EYS: variants seen among roughly 807,000 people sequenced by gnomAD.
The protein encoded by EYS is protein eyes shut homolog.
Under a neutral mutation model 282.1 loss-of-function variants are expected in EYS, and 250 were observed. The observed-to-expected ratio is 0.89, with a 90% CI of 0.80 to 0.98. The LOEUF is 0.98. EYS is among the 50% of genes least tolerant of loss of function. The pLI, the probability that EYS is intolerant of heterozygous loss-of-function variation, is 0.00. For synonymous variants in EYS, 1,355 were observed against 1,282.9 expected, an observed-to-expected ratio of 1.06 and a Z score of -1.20; for missense variants, 4,016 against 3,709.0, an observed-to-expected ratio of 1.08 and a Z score of -2.15.
At chr6:65,074,287 A>G (rs1388842471) in intron 12 of EYS, among the ~76,000 whole-genome samples, 2 of 152,124 alleles carry the variant, frequency 1.3e-5, no homozygotes, top group African/African-American at 4.8e-5. Flanking sequence ...CAGCCAACAT[A>G]GAAATCTCGG....
intron 2 of EYS, among the ~76,000 whole-genome samples, chr6:65,638,268 C>G (rs1767159470): frequency 1.3e-5 from 2 of 152,138 alleles, no homozygotes; most frequent in Non-Finnish European, 2.9e-5. Flanking sequence ...TGTTCTGTTG[C>G]TCAGTAAAGC....
intron 32 of EYS, among the ~76,000 whole-genome samples, chr6:64,081,596 GC>G (rs1771969588): frequency 6.6e-6 from 1 of 152,196 alleles, no homozygotes; most frequent in Non-Finnish European, 1.5e-5. Flanking sequence ...TACTGCTATA[GC>G]CATATGCTGT....
chr6:63,823,858 C>G (rs1562043776), intron 36 of EYS, among the ~76,000 whole-genome samples: 1 of 151,878 alleles, frequency 6.6e-6, no homozygotes, highest in Non-Finnish European at 1.5e-5. Flanking sequence ...CATTATTGTT[C>G]TTTTTTTCTA....
At position 65,053,209 on chromosome 6, in the gene EYS, C is replaced by T. The variant is rs76176450; in HGVS notation, c.2137+4405G>A. On this transcript the variant is annotated intron_variant, in intron 13 of 42. Transcript: ENST00000503581. ...TAAAAAGTTATAACTGGTAATAAAA[C>T]GTAACTTCTATAAATGGCAAAATGT... 6.3e-3 allele frequency among the ~76,000 whole-genome samples: 957 copies of T among 151,692 alleles called. 6 individuals carry two copies. Among genetic ancestry groups the T allele is most frequent in the African/African-American group, 0.021 (882 of 41,476 alleles).
intron 14 of EYS, among the ~76,000 whole-genome samples, chr6:64,975,895 G>T (rs1013441393): frequency 1.3e-5 from 2 of 151,312 alleles, no homozygotes; most frequent in Non-Finnish European, 1.5e-5. Flanking sequence ...AAAACTGGAG[G>T]CCTATTTTAT....
At chr6:64,501,848 G>C (rs1443789966) in intron 26 of EYS, among the ~76,000 whole-genome samples, 1 of 152,122 alleles carries the variant, frequency 6.6e-6, no homozygotes, top group Non-Finnish European at 1.5e-5. Context: ...AAGTCTAACA[G>C]GGACCTCACC....
At chr6:65,068,928 A>G (rs533898349) in intron 12 of EYS, among the ~76,000 whole-genome samples, 4 of 151,366 alleles carry the variant, frequency 2.6e-5, no homozygotes, top group Admixed American at 1.3e-4. Context: ...CACTCCTCTA[A>G]TATCTAATCT....
chr6:63,927,799 T>G (rs2149748451), intron 35 of EYS, among the ~76,000 whole-genome samples: 1 of 152,334 alleles, frequency 6.6e-6, no homozygotes, highest in East Asian at 1.9e-4. Flanking sequence ...AGCTACTGAA[T>G]GAACATAGGA....
chr6:65,103,337 A>G (rs1417069388), intron 12 of EYS, among the ~76,000 whole-genome samples: 2 of 151,568 alleles, frequency 1.3e-5, no homozygotes, highest in African/African-American at 2.4e-5. Context: ...TACTTATTAA[A>G]GAACCATATT....
intron 30 of EYS, among the ~76,000 whole-genome samples, chr6:64,272,817 A>C (rs994537837): frequency 3.6e-4 from 55 of 152,282 alleles, no homozygotes; most frequent in African/African-American, 1.3e-3. Flanking sequence ...TATTTCAATA[A>C]GGTTTTATAA....
intron 22 of EYS, among the ~76,000 whole-genome samples, chr6:64,723,332 A>G (rs1394278458): frequency 6.6e-6 from 1 of 152,200 alleles, no homozygotes; most frequent in Non-Finnish European, 1.5e-5. Flanking sequence ...AAATACCAGA[A>G]ATGAAGAATG....
intron 13 of EYS, among the ~76,000 whole-genome samples, chr6:65,021,875 T>G (rs544291702): frequency 1.3e-5 from 2 of 152,292 alleles, no homozygotes; most frequent in African/African-American, 4.8e-5. Flanking sequence ...GGAGAACTGC[T>G]GAGCAAAAGA....
chr6:64,875,933 T>C (rs1766737232), intron 19 of EYS, among the ~76,000 whole-genome samples: 1 of 152,026 alleles, frequency 6.6e-6, no homozygotes, highest in South Asian at 2.1e-4. Flanking sequence ...TTATCTTATT[T>C]TGTAGAGTAT....
chr6:64,730,586 C>T (rs1489414445), intron 22 of EYS, among the ~76,000 whole-genome samples: 2 of 152,144 alleles, frequency 1.3e-5, no homozygotes, highest in African/African-American at 4.8e-5. Context: ...TCAAGCAATT[C>T]TCCTGCCTCA....
chr6:63,897,246 T>C (rs80032862), intron 35 of EYS, among the ~76,000 whole-genome samples: 1,734 of 152,320 alleles, frequency 0.011, 37 homozygotes, highest in African/African-American at 0.04. Context: ...TTGAGGCATG[T>C]AGTAGGCTGA....
At chr6:65,090,890 G>A (rs895758435) in intron 12 of EYS, among the ~76,000 whole-genome samples, 1 of 151,788 alleles carries the variant, frequency 6.6e-6, no homozygotes, top group Admixed American at 6.6e-5. Context: ...CCTGTCATAA[G>A]GTCTGAGAAT....
chr6:64,370,945 T>C lies in EYS; in HGVS notation c.6078+17745A>G, dbSNP rs949344512. On this transcript the variant is annotated intron_variant, in intron 29 of 42. Coordinates refer to ENST00000503581, the MANE Select transcript of EYS (RefSeq NM_001142800.2). ...AGTCTAGCTAGCAGTCTATCTATCA[T>C]ATTAATTCTTTCAAAGAGCAAGCTC... Among the ~76,000 whole-genome samples the C allele has an allele frequency of 1.8e-4, 27 of 152,230 alleles. No individual in the cohort carries two copies. In the Middle Eastern group the frequency reaches 0.01, roughly 58 times the overall value.
chr6:63,722,232 C>G (rs1055969781), intron 42 of EYS, among the ~76,000 whole-genome samples: 1 of 152,104 alleles, frequency 6.6e-6, no homozygotes, highest in African/African-American at 2.4e-5. Flanking sequence ...CTCTTTACTT[C>G]AACAACACTG....
intron 14 of EYS, among the ~76,000 whole-genome samples, chr6:64,965,827 T>C (rs977041830): frequency 1.3e-5 from 2 of 152,144 alleles, no homozygotes; most frequent in East Asian, 3.9e-4. Flanking sequence ...ATATATTTTA[T>C]ATATTAGAGA....
Sources: gnomAD v4.1 joint callset for allele counts (sites outside exome capture counted in the v4.1 genomes callset) on GRCh38, gnomAD v4.1.1 for gene constraint, MANE v1.5 for transcripts, NCBI Gene and HGNC (gene_info 2026-07-23, HGNC 2026-07-21) for gene names.